KIF6: variants seen among roughly 807,000 people sequenced by gnomAD.
KIF6 encodes the protein kinesin-like protein KIF6.
Under a neutral mutation model 112.7 loss-of-function variants are expected in KIF6, and 106 were observed. The ratio of observed to expected loss-of-function variants is 0.94; its 90% CI spans 0.80 to 1.11. The LOEUF (loss-of-function observed/expected upper bound fraction) is 1.11, where lower values mean the gene tolerates loss of function less well. Ranked by LOEUF, KIF6 falls within the 50% of genes least tolerant of loss-of-function variation. The pLI is 0.00. For synonymous variants in KIF6, 339 were observed against 339.9 expected, an observed-to-expected ratio of 1.00 and a Z score of 0.03; for missense variants, 929 against 964.0, an observed-to-expected ratio of 0.96 and a Z score of 0.48.
intron 13 of KIF6, among the ~76,000 whole-genome samples, chr6:39,521,243 GCT>G (rs1296275901): frequency 6.6e-6 from 1 of 152,122 alleles, no homozygotes; most frequent in Admixed American, 6.5e-5. Flanking sequence ...AGCATTCTCA[GCT>G]CTGTTTGACC....
chr6:39,401,580 C>T (rs1052720804), intron 15 of KIF6, among the ~76,000 whole-genome samples: 3 of 152,026 alleles, frequency 2.0e-5, no homozygotes, highest in East Asian at 1.9e-4. Context: ...AGCTGGGGTA[C>T]GTATACACCA....
intron 15 of KIF6, among the ~76,000 whole-genome samples, chr6:39,410,191 T>C (rs754918840): frequency 6.6e-6 from 1 of 152,262 alleles, no homozygotes; most frequent in Non-Finnish European, 1.5e-5. Context: ...GTTATTCTGA[T>C]ATCTAGATAA....
chr6:39,387,097 GCAGT>G (rs1280217312), intron 15 of KIF6, among the ~76,000 whole-genome samples: 2 of 152,126 alleles, frequency 1.3e-5, no homozygotes, highest in African/African-American at 4.8e-5. Context: ...GTTCAACTTT[GCAGT>G]CAATTTAGGA....
At chr6:39,366,971 G>A (rs1274061937) in intron 16 of KIF6, among the ~76,000 whole-genome samples, 1 of 151,972 alleles carries the variant, frequency 6.6e-6, no homozygotes, top group Non-Finnish European at 1.5e-5. Context: ...CCAGGAAGCC[G>A]GGAGTCTGTT....
chr6:39,573,415 T>C (rs145597028), intron 10 of KIF6, among the ~76,000 whole-genome samples: 172 of 152,370 alleles, frequency 1.1e-3, no homozygotes, highest in African/African-American at 4.1e-3. Context: ...GTTGTACTAA[T>C]GTTCAATCTA....
chr6:39,588,631 T>C (rs969657950), intron 7 of KIF6, among the ~76,000 whole-genome samples: 2 of 152,158 alleles, frequency 1.3e-5, no homozygotes, highest in African/African-American at 4.8e-5. Flanking sequence ...TCTGGATTTC[T>C]ATTCTTGATT....
At chr6:39,448,830 A>C (rs1772502026) in intron 13 of KIF6, among the ~76,000 whole-genome samples, 1 of 152,174 alleles carries the variant, frequency 6.6e-6, no homozygotes, top group Non-Finnish European at 1.5e-5. Context: ...GGGAATCCTT[A>C]CTTGAAGGTT....
intron 6 of KIF6, among the ~76,000 whole-genome samples, chr6:39,609,502 C>T (rs181728597): frequency 6.6e-6 from 1 of 152,118 alleles, no homozygotes; most frequent in African/African-American, 2.4e-5. Flanking sequence ...CACAGTACAA[C>T]AAACTGCTGA....
rs1214278323 is a variant in KIF6, at chr6:39,337,184, T to C, written c.2429-636A>G. Among the ~76,000 whole-genome samples, 4 of 89,084 alleles carry C rather than the reference T, an allele frequency of 4.5e-5. 1 individual carries two copies. The highest frequency in any genetic ancestry group is 3.3e-4 in the African/African-American group (4 of 12,112). 58.4% of individuals were successfully genotyped at this position (89,084 alleles called of 152,430 possible). On this transcript the variant is annotated intron_variant, in intron 22 of 22. Coordinates refer to ENST00000287152, the MANE Select transcript of KIF6 (RefSeq NM_145027.6). ...CTTTCTTTCCTTCCTTCTTTCTTTC[T>C]TTCTTTCTTTCTTTCTTTCTTTCTT...
chr6:39,577,251 C>A (rs1353587552), intron 10 of KIF6, among the ~76,000 whole-genome samples: 2 of 152,220 alleles, frequency 1.3e-5, no homozygotes, highest in Non-Finnish European at 2.9e-5. Context: ...ACCTCAGGGG[C>A]AGCTATGAAA....
At chr6:39,617,222 G>A (rs1478213131) in intron 5 of KIF6, among the ~76,000 whole-genome samples, 1 of 152,156 alleles carries the variant, frequency 6.6e-6, no homozygotes, top group African/African-American at 2.4e-5. Context: ...TAATGATGGG[G>A]AAGAAGCAAG....
chr6:39,545,748 G>A, intron 10 of KIF6, 60 bp from the exon 11 acceptor site: 8 of 1,001,276 alleles, frequency 8.0e-6, no homozygotes, highest in Non-Finnish European at 1.3e-5. Context: ...AATTCTAATG[G>A]CATTATCTAG....
At chr6:39,506,268 C>T (rs1562271977) in intron 13 of KIF6, among the ~76,000 whole-genome samples, 1 of 152,074 alleles carries the variant, frequency 6.6e-6, no homozygotes, top group African/African-American at 2.4e-5. Flanking sequence ...AATCAAATAC[C>T]TCATGTTCTG....
chr6:39,720,871 C>T, intron 1 of KIF6, 60 bp from the exon 2 acceptor site: 1 of 769,402 alleles, frequency 1.3e-6, no homozygotes, highest in South Asian at 1.4e-5. Context: ...TGAACTATCA[C>T]CATGTTATTA....
At chr6:39,668,023 T>A (rs1277918942) in intron 3 of KIF6, among the ~76,000 whole-genome samples, 1 of 152,102 alleles carries the variant, frequency 6.6e-6, no homozygotes, top group African/African-American at 2.4e-5. Flanking sequence ...TGCCCCTCTT[T>A]CTCTTACTCC....
intron 14 of KIF6, among the ~76,000 whole-genome samples, chr6:39,420,986 G>A (rs1266831379): frequency 6.6e-6 from 1 of 152,206 alleles, no homozygotes; most frequent in Non-Finnish European, 1.5e-5. Flanking sequence ...GACAGGACAT[G>A]GCCTATGTGA....
At chr6:39,628,250 G>A (rs892013163) in intron 5 of KIF6, among the ~76,000 whole-genome samples, 1 of 151,926 alleles carries the variant, frequency 6.6e-6, no homozygotes, top group African/African-American at 2.4e-5. Context: ...ATTTACGTGT[G>A]TGTGTGTGTG....
chr6:39,714,936 A>G, intron 2 of KIF6, 170 bp from the exon 3 acceptor site: 1 of 576,206 alleles, frequency 1.7e-6, no homozygotes, highest in Non-Finnish European at 3.1e-6. Context: ...GTGCTGTTGT[A>G]CTCCTGTATA....
chr6:39,364,021 G>A (rs1036136664), intron 16 of KIF6, among the ~76,000 whole-genome samples: 3 of 151,824 alleles, frequency 2.0e-5, no homozygotes, highest in Non-Finnish European at 4.4e-5. Flanking sequence ...GAGCAGTGTA[G>A]CATATCTTTC....
Sources: allele counts gnomAD v4.1 joint callset (sites outside exome capture counted in the v4.1 genomes callset), GRCh38; gene constraint gnomAD v4.1.1; transcripts MANE v1.5; gene names NCBI Gene and HGNC (gene_info 2026-07-23, HGNC 2026-07-21).